ALK: variants seen among roughly 807,000 people sequenced by gnomAD.
ALK encodes the protein ALK receptor tyrosine kinase, also known as ALK tyrosine kinase receptor.
In ALK, 74 loss-of-function variants were observed where a neutral mutation model predicts 163.1. That is an observed-to-expected ratio of 0.45 (90% confidence interval 0.38 to 0.55). The LOEUF (loss-of-function observed/expected upper bound fraction) is 0.55. ALK is among the 20% of genes least tolerant of loss of function. The pLI, the probability that ALK is intolerant of heterozygous loss-of-function variation, is 0.00. For missense variants in ALK, 2,063 were observed against 2,105.3 expected (o/e 0.98, Z 0.39); for synonymous variants, 960 against 843.2 (o/e 1.14, Z -2.40).
At chr2:29,345,931 A>G (rs947406087) in intron 5 of ALK, among the ~76,000 whole-genome samples, 3 of 152,218 alleles carry the variant, frequency 2.0e-5, no homozygotes, top group African/African-American at 7.2e-5. Flanking sequence ...GGAAAACTAG[A>G]AGGAATGTAT....
At chr2:29,767,766 G>T (rs1471727666) in intron 1 of ALK, among the ~76,000 whole-genome samples, 4 of 152,166 alleles carry the variant, frequency 2.6e-5, no homozygotes, top group Non-Finnish European at 5.9e-5. Context: ...TCCTCCCCCT[G>T]CCTGGCACAC....
intron 4 of ALK, among the ~76,000 whole-genome samples, chr2:29,479,990 A>G (rs1021560283): frequency 6.6e-6 from 1 of 152,220 alleles, no homozygotes; most frequent in African/African-American, 2.4e-5. Flanking sequence ...CCCTTCAACT[A>G]ACCGTTCCTG....
intron 4 of ALK, among the ~76,000 whole-genome samples, chr2:29,513,057 G>GAA (rs545625315): frequency 6.6e-6 from 1 of 151,488 alleles, no homozygotes; most frequent in Admixed American, 6.6e-5. Flanking sequence ...TCAATATCGT[G>GAA]AAAATGGCCA....
In ALK at chr2:29,200,346, ATATT is replaced by A. The variant is rs1437516253; in HGVS notation, c.3939-2674_3939-2671del. 5.3e-5 allele frequency among the ~76,000 whole-genome samples: 8 copies of A among 152,276 alleles called. No homozygotes were observed. In the South Asian group the frequency reaches 1.2e-3, roughly 24 times the overall value. On this transcript the variant is annotated intron_variant, in intron 26 of 28. Coordinates refer to ENST00000389048, the MANE Select transcript of ALK (RefSeq NM_004304.5). ...AGAGCACTAATAGAACTGCACATGAATATTTATTTTCTTAGTTTAGAGTTCAAGG... is the reference window on the plus strand; with the variant it reads ...AGAGCACTAATAGAACTGCACATGAATATTTTCTTAGTTTAGAGTTCAAGG...
intron 1 of ALK, among the ~76,000 whole-genome samples, chr2:29,866,297 C>T (rs1558525116): frequency 6.6e-6 from 1 of 152,190 alleles, no homozygotes; most frequent in Admixed American, 6.5e-5. Flanking sequence ...ACTGAACTCA[C>T]TCCCACTGAA....
chr2:29,606,917 C>G (rs1675557179), intron 3 of ALK, among the ~76,000 whole-genome samples: 1 of 152,228 alleles, frequency 6.6e-6, no homozygotes, highest in Non-Finnish European at 1.5e-5. Flanking sequence ...AGTTGCCCCT[C>G]TTAGAAATAC....
intron 1 of ALK, among the ~76,000 whole-genome samples, chr2:29,916,716 A>G (rs1404424096): frequency 6.6e-6 from 1 of 152,178 alleles, no homozygotes; most frequent in Non-Finnish European, 1.5e-5. Context: ...CTTACAGGGA[A>G]ATAGGCCTCC....
In ALK at chr2:29,233,603, C is replaced by T; in HGVS notation, c.2449G>A (p.Gly817Ser). ...VNRSVHEWAG[G>S]GGGGGGATYV... ...GTGGCTCCACCCCCTCCTCCTCCGC[C>T]TCCTGCCCACTCATGCACGCTTCTG... The change falls in exon 14 of 29, where the codon GGC becomes AGC. Residue 817 changes from glycine to serine, a missense_variant. Gly to Ser is a moderately conservative substitution (Grantham distance 56). Around this residue, in one of 5 missense-constraint regions of ALK, gnomAD observed 575 missense variants for 626.6 expected, o/e 0.92. Transcript: ENST00000389048. The T allele has an allele frequency of 1.2e-6, 2 of 1,614,250 alleles. No individual in the cohort carries two copies. Among genetic ancestry groups the T allele is most frequent in the Non-Finnish European group, 1.7e-6 (2 of 1,180,050 alleles).
intron 1 of ALK, among the ~76,000 whole-genome samples, chr2:29,769,026 G>T (rs903242637): frequency 2.0e-5 from 3 of 151,932 alleles, no homozygotes; most frequent in Admixed American, 6.6e-5. Context: ...TACAGATAGG[G>T]TTTTATCATG....
intron 1 of ALK, among the ~76,000 whole-genome samples, chr2:29,778,979 C>T (rs1298957983): frequency 6.6e-6 from 1 of 151,810 alleles, no homozygotes; most frequent in East Asian, 1.9e-4. Context: ...CATGGTGAAA[C>T]CCGGTCTCTA....
At position 29,471,437 on chromosome 2, in the gene ALK, T is replaced by C. The variant is rs557787046; in HGVS notation, c.1154+60478A>G. On this transcript the variant is annotated intron_variant, in intron 4 of 28. Coordinates refer to ENST00000389048, the MANE Select transcript of ALK (RefSeq NM_004304.5). ...AATTATATATCAAATAGGTAATACA[T>C]CACAAAAAGTTGAGCTTATTCCAGT... Among the ~76,000 whole-genome samples the C allele has an allele frequency of 5.3e-5, 8 of 152,310 alleles. No homozygotes were observed. In the South Asian group the frequency reaches 1.7e-3, roughly 32 times the overall value.
chr2:29,809,621 G>T (rs1032807299), intron 1 of ALK, among the ~76,000 whole-genome samples: 5 of 152,212 alleles, frequency 3.3e-5, no homozygotes, highest in Non-Finnish European at 7.3e-5. Context: ...GTTTGGGGGT[G>T]CAGGACATTA....
intron 1 of ALK, among the ~76,000 whole-genome samples, chr2:29,875,374 A>G (rs938622885): frequency 6.6e-6 from 1 of 152,138 alleles, no homozygotes; most frequent in African/African-American, 2.4e-5. Context: ...ATGTCACTCA[A>G]TTGTACACTT....
intron 2 of ALK, among the ~76,000 whole-genome samples, chr2:29,703,732 T>G (rs1678815523): frequency 6.6e-6 from 1 of 152,206 alleles, no homozygotes; most frequent in African/African-American, 2.4e-5. Context: ...AAAGTAAGGT[T>G]GGCATTGCCT....
At chr2:29,633,725 G>T (rs1676446351) in intron 3 of ALK, among the ~76,000 whole-genome samples, 1 of 151,818 alleles carries the variant, frequency 6.6e-6, no homozygotes, top group Non-Finnish European at 1.5e-5. Context: ...TATGAGGAAG[G>T]AAACAAGGGT....
chr2:29,654,395 C>T (rs1677118887), intron 3 of ALK, among the ~76,000 whole-genome samples: 2 of 152,104 alleles, frequency 1.3e-5, no homozygotes, highest in East Asian at 3.9e-4. Flanking sequence ...GTTATACAAA[C>T]AGTCAGTGCT....
intron 12 of ALK, among the ~76,000 whole-genome samples, chr2:29,247,695 C>A (rs940233325): frequency 4.6e-5 from 7 of 152,148 alleles, no homozygotes; most frequent in Non-Finnish European, 7.4e-5. Context: ...AATGGTGGCC[C>A]CCCCTTGGCA....
intron 1 of ALK, among the ~76,000 whole-genome samples, chr2:29,773,885 A>C (rs1284284034): frequency 4.6e-5 from 7 of 152,242 alleles, no homozygotes; most frequent in Non-Finnish European, 1.0e-4. Flanking sequence ...TTCTTTCAAG[A>C]GAAGGTCTTA....
At chr2:29,605,030 C>T (rs1461068813) in intron 3 of ALK, among the ~76,000 whole-genome samples, 1 of 152,142 alleles carries the variant, frequency 6.6e-6, no homozygotes, top group Non-Finnish European at 1.5e-5. Context: ...TATGTGAAAG[C>T]AATAATCTAC....
Sources: gnomAD v4.1 joint callset for allele counts (sites outside exome capture counted in the v4.1 genomes callset) on GRCh38, gnomAD v4.1.1 for gene constraint, gnomAD v4.1.1 regional missense constraint, MANE v1.5 for transcripts, NCBI Gene and HGNC (gene_info 2026-07-23, HGNC 2026-07-21) for gene names.